Variants in ESYT1 observed in about 807,000 individuals in gnomAD.
ESYT1 encodes the protein extended synaptotagmin-1.
ESYT1 carries 116 observed loss-of-function variants against 154.2 expected under a neutral mutation model. The ratio of observed to expected loss-of-function variants is 0.75; its 90% confidence interval spans 0.65 to 0.88. The LOEUF (loss-of-function observed/expected upper bound fraction) is 0.88. Ranked by LOEUF, ESYT1 falls within the 40% of genes least tolerant of loss-of-function variation. The pLI is 0.00. For missense variants in ESYT1, 1,264 were observed against 1,379.3 expected (o/e 0.92, Z 1.32); for synonymous variants, 500 against 539.9 (o/e 0.93, Z 1.02).
intron 15 of ESYT1, among the ~76,000 whole-genome samples, chr12:56,135,689 T>G (rs536380158): frequency 6.6e-6 from 1 of 151,406 alleles, no homozygotes; most frequent in African/African-American, 2.4e-5. Context: ...GTCAGGAGTT[T>G]GAGAATAGCC....
Position 56,143,244 on chromosome 12 carries a change from C to T in ESYT1, c.3136C>T (p.Pro1046Ser), listed in dbSNP as rs761176057. 2.5e-6 allele frequency: 4 copies of T among 1,614,028 alleles called. No homozygotes were observed. The highest frequency in any genetic ancestry group is 3.4e-6 in the Non-Finnish European group (4 of 1,180,030). The part of the protein sequence containing the change: ...EFNERFEWEL[P>S]LDEAQRRKLD... ...CTACCCCAGGTTTGAGTGGGAACTC[C>T]CCCTGGATGAGGCCCAGAGACGAAA... Residue 1046 changes from proline to serine, a missense_variant, in exon 29 of 31, where the codon CCC becomes TCC. Transcript: ENST00000394048.
At chr12:56,130,667 G>A (rs1458824378) in intron 2 of ESYT1, 44 bp downstream of exon 2, 2 of 1,613,784 alleles carry the variant, frequency 1.2e-6, no homozygotes, top group African/African-American at 2.7e-5. Context: ...GGGAGAATGG[G>A]AATTTGTTTC....
Position 56,143,614 on chromosome 12 carries a change from A to T in ESYT1, c.3260A>T (p.Gln1087Leu). 1.2e-6 allele frequency: 2 copies of T among 1,614,150 alleles called. No homozygotes were observed. Among genetic ancestry groups the T allele is most frequent in the Non-Finnish European group, 1.7e-6 (2 of 1,180,016 alleles). ...GACCTAGCTGAGACAGACCTTTCCC[A>T]GGGTGTAGCCCGGTGGTGAGTGTCT... The part of the protein sequence containing the change: ...QLDLAETDLS[Q>L]GVARWYDLMD... Residue 1087 changes from glutamine (Q) to leucine (L), a missense_variant, in exon 30 of 31, where the codon CAG becomes CTG. Gln to Leu is a moderately radical substitution (Grantham distance 113). Coordinates refer to ENST00000394048, the MANE Select transcript of ESYT1 (RefSeq NM_015292.3).
Position 56,143,112 on chromosome 12 carries a change from A to G in ESYT1, c.3083A>G (p.Gln1028Arg), listed in dbSNP as rs1048535460. 6.2e-7 allele frequency: 1 copy of G among 1,614,196 alleles called. No individual in the cohort carries two copies. The highest frequency in any genetic ancestry group is 8.5e-7 in the Non-Finnish European group (1 of 1,180,040). Residue 1028 changes from glutamine to arginine, a missense_variant, in exon 28 of 31, where the codon CAG becomes CGG. Physicochemically the swap from Gln to Arg is conservative, Grantham distance 43. Coordinates refer to ENST00000394048, the MANE Select transcript of ESYT1 (RefSeq NM_015292.3). ...CGAGGCACCAAGAGGAGGACCTCAC[A>G]GAAGAAGAGGACCCTGAGTCCTGAA... Reference protein sequence around the residue: ...KNRGTKRRTSQKKRTLSPEFN... With the variant: ...KNRGTKRRTSRKKRTLSPEFN...
At chr12:56,128,749 C>T in intron 1 of ESYT1, 40 bp downstream of exon 1, 1 of 1,606,420 alleles carries the variant, frequency 6.2e-7, no homozygotes, top group Non-Finnish European at 8.5e-7. Context: ...GCATAGCCCC[C>T]TTCCACCCCT....
rs1370976958 is a variant in ESYT1 at position 56,128,350 on chromosome 12, C to A, written c.31C>A (p.Pro11Thr). 2 of 1,612,020 alleles carry A rather than the reference C, an allele frequency of 1.2e-6. No homozygotes were observed. Among genetic ancestry groups the A allele is most frequent in the Non-Finnish European group, 1.7e-6 (2 of 1,179,412 alleles). The change falls in exon 1 of 31, where the codon CCC becomes ACC. Residue 11 changes from proline (P) to threonine (T), a missense_variant. Pro to Thr is a conservative substitution (Grantham distance 38). Coordinates refer to ENST00000394048, the MANE Select transcript of ESYT1 (RefSeq NM_015292.3). ...GCGATCTCCAGGAGAGGGCCCCAGC[C>A]CCAGCCCCATGGACCAGCCCTCTGC... MERSPGEGPS[P>T]SPMDQPSAPS...
At chr12:56,134,046 T>C in intron 13 of ESYT1, 64 bp from the exon 14 acceptor site, 1 of 1,599,208 alleles carries the variant, frequency 6.3e-7, no homozygotes, top group Non-Finnish European at 8.6e-7. Context: ...CGATCCCACC[T>C]TCCTTCACCA....
chr12:56,130,730 A>T lies in ESYT1; in HGVS notation c.433-61A>T, dbSNP rs576903063. 109 of 1,613,332 alleles carry T rather than the reference A, an allele frequency of 6.8e-5. No homozygotes were observed. The East Asian group carries it at 2.4e-3, about 36-fold the overall frequency. On this transcript the variant is annotated intron_variant, in intron 2 of 30. Transcript: ENST00000394048. ...AGTGCTCTCCGTGGGGAGGATTCTG[A>T]AGGAACTTGCCTTGAGAGGGAAGAC... is the stretch of plus-strand genomic sequence containing the variant.
chr12:56,133,825 G>A lies in ESYT1; in HGVS notation c.1425G>A (p.Pro475=), dbSNP rs747367797. 18 of 1,614,032 alleles carry A rather than the reference G, an allele frequency of 1.1e-5. No homozygotes were observed. The highest frequency in any genetic ancestry group is 3.3e-5 in the Admixed American group (2 of 59,994). ...GAGTCTCCTCTCGACCAGATCCCCC[G>A]TCAGCTGCCATCTTAGTTGTCTACC... ...NWGVSSRPDP[P]SAAILVVYLD... The change falls in exon 13 of 31, where the codon CCG becomes CCA. Residue 475 remains proline (P), a synonymous_variant. Coordinates refer to ENST00000394048, the MANE Select transcript of ESYT1 (RefSeq NM_015292.3).
rs951212616 is a variant in ESYT1 at position 56,132,467 on chromosome 12, A to T, written c.1031A>T (p.Lys344Met). ...HLLAARGLSS[K>M]DKYVKGLIEG... ...CTGGCTGCTCGAGGGCTGAGTTCCAAGGACAAATATGTGAAGGGCCTGATT... is the reference window on the plus strand; with the variant it reads ...CTGGCTGCTCGAGGGCTGAGTTCCATGGACAAATATGTGAAGGGCCTGATT... Residue 344 changes from lysine (K) to methionine (M), a missense_variant, in exon 9 of 31, where the codon AAG (lysine) becomes ATG (methionine). Coordinates refer to ENST00000394048, the MANE Select transcript of ESYT1 (RefSeq NM_015292.3). The T allele has an allele frequency of 1.9e-6, 3 of 1,614,074 alleles. No individual in the cohort carries two copies. The African/African-American group carries it at 4.0e-5, about 22-fold the overall frequency.
rs376443049 is a variant in ESYT1, at chr12:56,137,485, C to A, written c.1939-14C>A. On this transcript the variant is annotated splice_polypyrimidine_tract_variant and intron_variant, in intron 17 of 30. Coordinates refer to ENST00000394048, the MANE Select transcript of ESYT1 (RefSeq NM_015292.3). ...CTCCCTTTGCCATCTGGCACCCCCC[C>A]GTCCCTTTTGCAGCATGTGCTTCGG... 10 of 1,609,558 alleles carry A rather than the reference C, an allele frequency of 6.2e-6. No homozygotes were observed. Among genetic ancestry groups the A allele is most frequent in the African/African-American group, 4.0e-5 (3 of 74,842 alleles).
intron 1 of ESYT1, chr12:56,129,517 G>A (rs1319576672): frequency 6.6e-6 from 1 of 152,474 alleles, no homozygotes; most frequent in Non-Finnish European, 1.5e-5. Flanking sequence ...TCCCAGCAGA[G>A]GTGCCAGTCT....
intron 10 of ESYT1, 151 bp from the exon 11 acceptor site, chr12:56,133,266 C>T (rs1243061741): frequency 1.2e-5 from 9 of 767,240 alleles, no homozygotes; most frequent in East Asian, 2.7e-5. Context: ...CACATACTCA[C>T]GCATGCAGGT....
At chr12:56,129,670 C>T (rs1870150435) in intron 1 of ESYT1, 1 of 152,294 alleles carries the variant, frequency 6.6e-6, no homozygotes, top group Non-Finnish European at 1.5e-5. Flanking sequence ...AAGTGTTTGT[C>T]TCCTCCTCAT....
intron 10 of ESYT1, among the ~76,000 whole-genome samples, chr12:56,133,186 C>T (rs972614084): frequency 1.3e-5 from 2 of 151,796 alleles, no homozygotes; most frequent in African/African-American, 4.8e-5. Flanking sequence ...GGTAATTATA[C>T]TCACTTTCTG....
At chr12:56,131,150 A>G in intron 4 of ESYT1, 37 bp downstream of exon 4, 1 of 1,613,140 alleles carries the variant, frequency 6.2e-7, no homozygotes, top group Non-Finnish European at 8.5e-7. Context: ...TTCCCCTTCA[A>G]TGTGTCCTGT....
chr12:56,143,909 T>G lies in ESYT1; in HGVS notation c.*47T>G. ...ACTGCTCTGTCTTCCTGCCTTCGTC[T>G]CGCTCCATCACCGCCTCAATGTGAT... On this transcript the variant is annotated 3_prime_UTR_variant, in exon 31 of 31. Transcript: ENST00000394048. The G allele has an allele frequency of 6.2e-7, 1 of 1,612,746 alleles. No homozygotes were observed. The highest frequency in any genetic ancestry group is 1.3e-5 in the African/African-American group (1 of 75,034).
In ESYT1 at chr12:56,144,032, C is replaced by G. The variant is rs1442308575; in HGVS notation, c.*170C>G. 6.8e-7 allele frequency: 1 copy of G among 1,474,742 alleles called. No homozygotes were observed. Among genetic ancestry groups the G allele is most frequent in the African/African-American group, 1.4e-5 (1 of 70,828 alleles). The allele number at this position is 1,474,742 out of a possible 1,614,324, so 91.4% of individuals were successfully genotyped here. A position where few individuals can be genotyped will look rare whatever the true frequency, so the allele number is the denominator to read the frequency against. Reference sequence around the variant, plus strand: ...CCTTTGCCTGACCAAAGAGAAGAACCGTATGTTCCCTTTACTGCACGGCCT... The same window carrying G: ...CCTTTGCCTGACCAAAGAGAAGAACGGTATGTTCCCTTTACTGCACGGCCT... On this transcript the variant is annotated 3_prime_UTR_variant, in exon 31 of 31. Transcript: ENST00000394048.
rs368990161 is a variant in ESYT1, at chr12:56,142,747, C to G, written c.2888+15C>G. The stretch of plus-strand genomic sequence containing the variant: ...CATGTTGACAGGTAAAGGGCTGGGA[C>G]AGGAAGGTGGGACGCAGTCAGAAAT... On this transcript the variant is annotated intron_variant, in intron 26 of 30. Coordinates refer to ENST00000394048, the MANE Select transcript of ESYT1 (RefSeq NM_015292.3). This position sits in a 1 kb window ranked among gnomAD's most constrained non-coding sequence, Gnocchi z 4.1. The G allele has an allele frequency of 6.2e-7, 1 of 1,613,580 alleles. No homozygotes were observed. The highest frequency in any genetic ancestry group is 1.7e-5 in the Admixed American group (1 of 60,002).
Sources: allele counts gnomAD v4.1 joint callset (sites outside exome capture counted in the v4.1 genomes callset), GRCh38; gene constraint gnomAD v4.1.1; non-coding constraint Gnocchi (gnomAD v3.1); transcripts MANE v1.5; gene names NCBI Gene and HGNC (gene_info 2026-07-23, HGNC 2026-07-21).